Variants in RPS6KC1 observed in about 807,000 individuals in gnomAD.
RPS6KC1 encodes inactive ribosomal protein S6 kinase delta-1.
A neutral mutation model predicts 103.8 loss-of-function variants in RPS6KC1; 54 were observed. The ratio of observed to expected loss-of-function variants is 0.52; its 90% CI spans 0.42 to 0.65. The LOEUF is 0.65. Ranked by LOEUF, RPS6KC1 falls within the 30% of genes least tolerant of loss-of-function variation. RPS6KC1 has a pLI of 0.00. For synonymous variants in RPS6KC1, 439 were observed against 438.7 expected (o/e 1.00, Z -0.01); for missense variants, 1,151 against 1,253.8 (o/e 0.92, Z 1.24).
At chr1:213,577,470 TG>T in the RPS6KC1 span, among the ~76,000 whole-genome samples, 1 of 152,196 alleles carries the variant, frequency 6.6e-6, no homozygotes, top group Non-Finnish European at 1.5e-5. Context: ...ACTTTGGAAC[TG>T]GGTAACAGGC....
At chr1:213,068,483 CAAA>C (rs71147057) in intron 1 of RPS6KC1, among the ~76,000 whole-genome samples, 2 of 36,360 alleles carry the variant, frequency 5.5e-5, no homozygotes, top group Non-Finnish European at 9.2e-5. Context: ...GACTCTGTCT[CAAA>C]AAAAAAAAAA....
At chr1:213,332,165 AC>A in the RPS6KC1 span, among the ~76,000 whole-genome samples, 2,040 of 152,350 alleles carry the variant, frequency 0.013, 19 homozygotes, top group Non-Finnish European at 0.02. Context: ...GAGCCAACCA[AC>A]TGAAATGTAG....
the RPS6KC1 span, among the ~76,000 whole-genome samples, chr1:213,328,539 TATCA>T: frequency 4.6e-5 from 6 of 130,728 alleles, no homozygotes; most frequent in Non-Finnish European, 9.8e-5. Flanking sequence ...TATATATATA[TATCA>T]CACACACACG....
chr1:213,180,666 G>GA (rs969341319), intron 8 of RPS6KC1, among the ~76,000 whole-genome samples: 1 of 151,706 alleles, frequency 6.6e-6, no homozygotes, highest in Admixed American at 6.6e-5. Flanking sequence ...GAAATTAGCG[G>GA]AAAAAAAACT....
At chr1:213,472,845 C>CA in the RPS6KC1 span, among the ~76,000 whole-genome samples, 1 of 152,198 alleles carries the variant, frequency 6.6e-6, no homozygotes, top group Non-Finnish European at 1.5e-5. Context: ...TAAGTATATT[C>CA]AACTAAAAGT....
At chr1:213,138,274 C>T (rs982231147) in intron 6 of RPS6KC1, among the ~76,000 whole-genome samples, 10 of 151,792 alleles carry the variant, frequency 6.6e-5, no homozygotes, top group Non-Finnish European at 1.5e-4. Flanking sequence ...TAGCACTTTG[C>T]AGATTTTTTT....
the RPS6KC1 span, among the ~76,000 whole-genome samples, chr1:213,446,291 C>T: frequency 6.6e-6 from 1 of 152,184 alleles, no homozygotes; most frequent in African/African-American, 2.4e-5. Context: ...TCTTTTCTAT[C>T]CATTTTATTT....
chr1:213,524,240 C>A, the RPS6KC1 span, among the ~76,000 whole-genome samples: 1 of 152,104 alleles, frequency 6.6e-6, no homozygotes, highest in Non-Finnish European at 1.5e-5. Flanking sequence ...TGCTGCCAGA[C>A]CTGGGAAAAA....
chr1:213,557,266 A>C, the RPS6KC1 span, among the ~76,000 whole-genome samples: 4 of 152,192 alleles, frequency 2.6e-5, no homozygotes, highest in South Asian at 2.1e-4. Context: ...CTCTGAGTTC[A>C]TCAACCCAGA....
the RPS6KC1 span, among the ~76,000 whole-genome samples, chr1:213,602,120 C>CCT: frequency 3.9e-4 from 2 of 5,154 alleles, no homozygotes; most frequent in Non-Finnish European, 7.5e-4. Flanking sequence ...TTCTTTCTTT[C>CCT]TCTTTCTTTC....
At chr1:213,124,535 G>A (rs1382354347) in intron 5 of RPS6KC1, among the ~76,000 whole-genome samples, 3 of 152,132 alleles carry the variant, frequency 2.0e-5, no homozygotes, top group African/African-American at 7.2e-5. Flanking sequence ...TATGAAATAA[G>A]TTGAATTGTA....
chr1:213,764,785 T>G, the RPS6KC1 span, among the ~76,000 whole-genome samples: 31 of 152,294 alleles, frequency 2.0e-4, no homozygotes, highest in Non-Finnish European at 4.4e-4. Context: ...AAGCCATGCC[T>G]GAAGCTGAAA....
chr1:213,402,631 T>C, the RPS6KC1 span, among the ~76,000 whole-genome samples: 1 of 152,134 alleles, frequency 6.6e-6, no homozygotes, highest in Non-Finnish European at 1.5e-5. Flanking sequence ...TCTGTCTTGT[T>C]CATTTTTATA....
At chr1:213,437,982 T>G in the RPS6KC1 span, among the ~76,000 whole-genome samples, 2 of 152,102 alleles carry the variant, frequency 1.3e-5, no homozygotes, top group African/African-American at 4.8e-5. Context: ...ATTTATAAAT[T>G]TATTTCAATT....
chr1:213,418,562 G>A, the RPS6KC1 span, among the ~76,000 whole-genome samples: 1 of 152,148 alleles, frequency 6.6e-6, no homozygotes, highest in Non-Finnish European at 1.5e-5. Flanking sequence ...CCTAATTTGG[G>A]TGAAGTTCGC....
At chr1:213,736,258 G>T in the RPS6KC1 span, among the ~76,000 whole-genome samples, 1 of 152,166 alleles carries the variant, frequency 6.6e-6, no homozygotes, top group African/African-American at 2.4e-5. Flanking sequence ...TCTAGTCAGG[G>T]TCCCACAAGA....
chr1:213,778,729 G>A, the RPS6KC1 span, among the ~76,000 whole-genome samples: 11 of 152,018 alleles, frequency 7.2e-5, no homozygotes, highest in Non-Finnish European at 1.0e-4. Flanking sequence ...GACAAAAGCC[G>A]ACCAGGACAA....
intron 12 of RPS6KC1, among the ~76,000 whole-genome samples, chr1:213,246,268 C>T (rs1365358640): frequency 6.6e-6 from 1 of 152,006 alleles, no homozygotes; most frequent in Non-Finnish European, 1.5e-5. Context: ...TAAATGGGTT[C>T]CTTTCATACC....
At chr1:213,785,176 A>G in the RPS6KC1 span, among the ~76,000 whole-genome samples, 1 of 152,150 alleles carries the variant, frequency 6.6e-6, no homozygotes, top group Non-Finnish European at 1.5e-5. Context: ...CAAAAATCTT[A>G]TGTATTATAG....
Sources: gnomAD v4.1 joint callset for allele counts (sites outside exome capture counted in the v4.1 genomes callset) on GRCh38, gnomAD v4.1.1 for gene constraint, MANE v1.5 for transcripts, NCBI Gene and HGNC (gene_info 2026-07-23, HGNC 2026-07-21) for gene names.